Variants in UROC1 observed in about 807,000 individuals in gnomAD.
UROC1 encodes urocanate hydratase.
A neutral mutation model predicts 89.5 loss-of-function variants in UROC1; 79 were observed. The observed-to-expected ratio is 0.88, with a 90% CI of 0.74 to 1.06. The LOEUF is 1.06. UROC1 is among the 50% of genes least tolerant of loss of function. UROC1 has a pLI of 0.00. For missense variants in UROC1, 885 were observed against 907.8 expected (o/e 0.97, Z 0.32); for synonymous variants, 361 against 354.8 (o/e 1.02, Z -0.20).
At chr3:126,503,413 G>A (rs148580651) in intron 9 of UROC1, among the ~76,000 whole-genome samples, 1 of 152,340 alleles carries the variant, frequency 6.6e-6, no homozygotes, top group Non-Finnish European at 1.5e-5. Context: ...CCGAGCAGGA[G>A]CCCCCAAGGC....
chr3:126,506,987 G>A lies in UROC1; in HGVS notation c.602+755C>T, dbSNP rs147450554. ...CCAGCTACTTGGGAGGCTGAGGCAG[G>A]AGAATCACTTGAACCTAGGAGGTGG... On this transcript the variant is annotated intron_variant, in intron 6 of 19. Transcript: ENST00000290868. 3.1e-3 allele frequency among the ~76,000 whole-genome samples: 467 copies of A among 152,292 alleles called. 2 individuals carry two copies. Among genetic ancestry groups the A allele is most frequent in the African/African-American group, 9.5e-3 (396 of 41,550 alleles).
At chr3:126,508,567 G>A (rs926967955) in intron 3 of UROC1, 92 bp from the exon 4 acceptor site, 6 of 1,038,612 alleles carry the variant, frequency 5.8e-6, no homozygotes, top group Non-Finnish European at 8.8e-6. Flanking sequence ...TCCCCTGGGG[G>A]CCCAATGGGA....
At chr3:126,513,132 C>T (rs368194671) in intron 1 of UROC1, among the ~76,000 whole-genome samples, 1 of 128,016 alleles carries the variant, frequency 7.8e-6, no homozygotes, top group Admixed American at 8.0e-5. Context: ...GCCCACAGAG[C>T]AGGGTGTGTG....
intron 4 of UROC1, 116 bp downstream of exon 4, chr3:126,508,300 G>A: frequency 1.5e-6 from 2 of 1,376,882 alleles, no homozygotes; most frequent in Non-Finnish European, 2.1e-6. Flanking sequence ...TGGAGCCTCA[G>A]GCACCAGGGA....
chr3:126,509,464 G>A (rs1936147983), intron 3 of UROC1, 121 bp downstream of exon 3: 2 of 1,005,244 alleles, frequency 2.0e-6, no homozygotes, highest in African/African-American at 3.2e-5. Flanking sequence ...TCTCTTACTA[G>A]CTTTGCAACT....
chr3:126,502,326 ATGTGTGTT>A (rs1935945948), intron 9 of UROC1, among the ~76,000 whole-genome samples: 3 of 149,554 alleles, frequency 2.0e-5, no homozygotes, highest in Admixed American at 2.0e-4. Context: ...GCATGTGTGC[ATGTGTGTT>A]GTGTGCGTTT....
Position 126,510,749 on chromosome 3 carries a change from C to T in UROC1, c.172G>A (p.Glu58Lys). The T allele has an allele frequency of 6.2e-7, 1 of 1,614,122 alleles. No individual in the cohort carries two copies. The highest frequency in any genetic ancestry group is 1.3e-5 in the African/African-American group (1 of 75,056). Residue 58 changes from glutamate (E) to lysine (K), a missense_variant, in exon 2 of 20, where the codon GAG becomes AAG. By Grantham distance (56) the Glu-to-Lys change is moderately conservative (BLOSUM62 1). Transcript: ENST00000290868. Reference sequence around the variant, plus strand: ...TGGGCAAACTCTGGGGCCAGCAGCTCCTGGACATCCGGGGGGAAGTAGCGC... The same window carrying T: ...TGGGCAAACTCTGGGGCCAGCAGCTTCTGGACATCCGGGGGGAAGTAGCGC... Reference protein sequence around the residue: ...ALRYFPPDVQELLAPEFAQEL... With the variant: ...ALRYFPPDVQKLLAPEFAQEL...
chr3:126,501,000 A>T, intron 10 of UROC1, 126 bp from the exon 11 acceptor site: 2 of 1,402,910 alleles, frequency 1.4e-6, no homozygotes, highest in South Asian at 2.3e-5. Flanking sequence ...CCCGAGCCAG[A>T]CCCTGCTTTC....
At chr3:126,484,856 G>C (rs1257929576) in intron 18 of UROC1, among the ~76,000 whole-genome samples, 1 of 152,204 alleles carries the variant, frequency 6.6e-6, no homozygotes, top group African/African-American at 2.4e-5. Flanking sequence ...AGGAGCAACA[G>C]CCATGCCCAG....
chr3:126,497,992 T>C, intron 14 of UROC1, 59 bp downstream of exon 14: 2 of 1,612,698 alleles, frequency 1.2e-6, no homozygotes, highest in South Asian at 1.1e-5. Flanking sequence ...CTTGTCTCTA[T>C]GGAGGCAGAA....
chr3:126,489,612 C>T (rs1445778406), intron 16 of UROC1, among the ~76,000 whole-genome samples: 4 of 152,174 alleles, frequency 2.6e-5, no homozygotes, highest in Non-Finnish European at 4.4e-5. Flanking sequence ...CCACCCTGTT[C>T]AGATAGGCAC....
At chr3:126,499,143 C>T (rs976071669) in intron 13 of UROC1, among the ~76,000 whole-genome samples, 194 bp downstream of exon 13, 7 of 151,870 alleles carry the variant, frequency 4.6e-5, no homozygotes, top group African/African-American at 1.7e-4. Flanking sequence ...GCATTTCCTC[C>T]TCACCTGCCT....
chr3:126,502,056 T>A, intron 9 of UROC1: 1 of 1,218,688 alleles, frequency 8.2e-7, no homozygotes, highest in Non-Finnish European at 1.1e-6. Flanking sequence ...TTAAACTGAT[T>A]TTGATGTATG....
In UROC1 at chr3:126,483,476, A is replaced by G. The variant is rs896881301; in HGVS notation, c.1791-8T>C. The G allele has an allele frequency of 6.2e-6, 10 of 1,613,120 alleles. No individual in the cohort carries two copies. The Admixed American group carries it at 8.3e-5, about 13-fold the overall frequency. ...CCGTTGATCACCTCACCCCTGCAGG[A>G]GGCAGAGGAGTTTCCAGTTCATTCC... On this transcript the variant is annotated splice_polypyrimidine_tract_variant and splice_region_variant and intron_variant, in intron 18 of 19. Coordinates refer to ENST00000290868, the MANE Select transcript of UROC1 (RefSeq NM_144639.3).
At chr3:126,516,694 C>G (rs1397550851) in intron 1 of UROC1, among the ~76,000 whole-genome samples, 1 of 108,072 alleles carries the variant, frequency 9.3e-6, no homozygotes, top group Admixed American at 9.2e-5. Context: ...CCTCCACCCC[C>G]ACACCCACCA....
intron 9 of UROC1, among the ~76,000 whole-genome samples, chr3:126,503,183 G>A (rs1935977026): frequency 1.3e-5 from 2 of 152,084 alleles, no homozygotes; most frequent in African/African-American, 4.8e-5. Context: ...TTCTAAAGAG[G>A]GTGCAATGTG....
intron 9 of UROC1, 31 bp from the exon 10 acceptor site, chr3:126,501,311 C>A (rs1229711549): frequency 6.2e-7 from 1 of 1,612,998 alleles, no homozygotes; most frequent in Admixed American, 1.7e-5. Context: ...AACAGGTGCC[C>A]CCTGCACCTG....
Position 126,492,423 on chromosome 3 carries a change from T to C in UROC1, c.1603A>G (p.Ile535Val). 6.2e-7 allele frequency: 1 copy of C among 1,613,436 alleles called. No individual in the cohort carries two copies. The highest frequency in any genetic ancestry group is 2.2e-5 in the East Asian group (1 of 44,850). ...AINQAIACRR[I>V]KAPVVLSRDH... Reference sequence around the variant, plus strand: ...CAGAGCACAGGACACCTCACCTTGATCCTCCTGCAGGCGATGGCCTGGTTA... The same window carrying C: ...CAGAGCACAGGACACCTCACCTTGACCCTCCTGCAGGCGATGGCCTGGTTA... Residue 535 changes from isoleucine to valine, a missense_variant, in exon 16 of 20, where the codon ATC becomes GTC. Physicochemically the swap from Ile to Val is conservative, Grantham distance 29. Transcript: ENST00000290868.
chr3:126,489,293 C>T lies in UROC1; in HGVS notation c.1691G>A (p.Gly564Asp). ...TTCCTCACCTGCACAGAAGGCAGAG[C>T]CGTCGTAAATGTTGGAGGTCTCCCT... ...PFRETSNIYD[G>D]SAFCADMAVQ... Residue 564 changes from glycine to aspartate, a missense_variant, in exon 17 of 20, where the codon GGC (glycine) becomes GAC (aspartate). By Grantham distance (94) the Gly-to-Asp change is moderately conservative (BLOSUM62 -1). Transcript: ENST00000290868. The T allele has an allele frequency of 6.2e-7, 1 of 1,613,696 alleles. No individual in the cohort carries two copies. The highest frequency in any genetic ancestry group is 8.5e-7 in the Non-Finnish European group (1 of 1,179,854).
Sources: allele counts gnomAD v4.1 joint callset (sites outside exome capture counted in the v4.1 genomes callset), GRCh38; gene constraint gnomAD v4.1.1; transcripts MANE v1.5; gene names NCBI Gene and HGNC (gene_info 2026-07-23, HGNC 2026-07-21).